Variants in DOK4 observed in about 807,000 individuals in gnomAD.
The protein encoded by DOK4 is docking protein 4.
In DOK4, 26 loss-of-function variants were observed where a neutral mutation model predicts 40.1. That is an observed-to-expected ratio of 0.65 (90% CI 0.48 to 0.90). The LOEUF is 0.90. Ranked by LOEUF, DOK4 falls within the 40% of genes least tolerant of loss-of-function variation. The probability of loss-of-function intolerance (pLI) is 0.00; values close to 1 mark genes in which losing one functional copy is unlikely to be tolerated. For synonymous variants in DOK4, 179 were observed against 177.0 expected (o/e 1.01, Z -0.09); for missense variants, 392 against 437.2 (o/e 0.90, Z 0.92).
At chr16:57,475,012 C>T in intron 5 of DOK4, 30 bp from the exon 6 acceptor site, 1 of 1,599,782 alleles carries the variant, frequency 6.3e-7, no homozygotes, top group Non-Finnish European at 8.5e-7. Flanking sequence ...ACAAGTGGGA[C>T]CAGAGTTGCC....
At chr16:57,487,299 C>A (rs2031566197), upstream of DOK4, 1 of 152,234 alleles carries the variant, frequency 6.6e-6, no homozygotes, top group Non-Finnish European at 1.5e-5. Flanking sequence ...AGCTTCCCAT[C>A]ACCTTGAAAC....
Position 57,479,566 on chromosome 16 carries a change from G to T in DOK4, c.-59C>A. 1 of 1,591,460 alleles carries T rather than the reference G, an allele frequency of 6.3e-7. No homozygotes were observed. ...CAGAGGCGAGGGGAAGGATGCCCAG[G>T]TGCCTGGGTCTCCGGCTCCTCCAAT... On this transcript the variant is annotated 5_prime_UTR_variant, in exon 2 of 9. Transcript: ENST00000340099. The surrounding 1 kb of genome is among the most constrained non-coding windows in gnomAD (Gnocchi z 5.8).
chr16:57,480,655 C>T lies in DOK4; in HGVS notation c.-181-967G>A, dbSNP rs186479628. Among the ~76,000 whole-genome samples the T allele has an allele frequency of 7.9e-5, 12 of 152,236 alleles. No homozygotes were observed. In the East Asian group the frequency reaches 2.3e-3, roughly 29 times the overall value. ...CAGTCAGGGCCCTGGGGCAACAAGA[C>T]ATGCAGGAGACAATGTGGGATACCA... On this transcript the variant is annotated intron_variant, in intron 1 of 8. Coordinates refer to ENST00000340099, the Ensembl canonical transcript of DOK4.
intron 1 of DOK4, among the ~76,000 whole-genome samples, chr16:57,482,363 G>GTTTTTTTTTTTTTT: frequency 1.1e-5 from 1 of 93,036 alleles, no homozygotes; most frequent in Non-Finnish European, 2.0e-5. Flanking sequence ...TGGGGCTTTT[G>GTTTTTTTTTTTTTT]TTTTTTTTTT....
intron 4 of DOK4, 127 bp from the exon 5 acceptor site, chr16:57,475,346 C>A: frequency 6.7e-7 from 1 of 1,497,254 alleles, no homozygotes; most frequent in South Asian, 1.2e-5. Flanking sequence ...GCCTGTCTTG[C>A]CTCAACCCTG....
At chr16:57,473,181 A>G (rs916640025) in exon 9 of DOK4, 39 of 717,720 alleles carry the variant, frequency 5.4e-5, no homozygotes, top group South Asian at 1.9e-5. Flanking sequence ...GGTAGCTCCA[A>G]CCCCTCACAC....
chr16:57,476,069 T>A, intron 2 of DOK4, 112 bp from the exon 3 acceptor site: 1 of 888,222 alleles, frequency 1.1e-6, no homozygotes, highest in Non-Finnish European at 1.8e-6. Flanking sequence ...CAGCCTTCCC[T>A]GGAGCCCCAG....
At chr16:57,481,093 T>G (rs1198914773) in intron 1 of DOK4, among the ~76,000 whole-genome samples, 3 of 152,074 alleles carry the variant, frequency 2.0e-5, no homozygotes, top group Non-Finnish European at 4.4e-5. Flanking sequence ...TGGGTATCTG[T>G]GCTGCCAGAA....
chr16:57,482,393 G>C (rs8049328), intron 1 of DOK4, among the ~76,000 whole-genome samples: 65,419 of 132,248 alleles, frequency 0.49, 16,571 homozygotes, highest in Non-Finnish European at 0.54. Context: ...TTGAGACGGA[G>C]TCTCACTCTA....
rs2031344249 is a variant in DOK4 at position 57,479,672 on chromosome 16, C to T, written c.-165G>A. On this transcript the variant is annotated 5_prime_UTR_variant, in exon 2 of 9. Coordinates refer to ENST00000340099, the Ensembl canonical transcript of DOK4. The surrounding 1 kb of genome is among the most constrained non-coding windows in gnomAD (Gnocchi z 5.8). Reference sequence around the variant, plus strand: ...CCGCCTCAGCATTGTTCTAGCAGCTCCTTCGCCCCGCGCCTGCTGGAAATA... The same window carrying T: ...CCGCCTCAGCATTGTTCTAGCAGCTTCTTCGCCCCGCGCCTGCTGGAAATA... 1.6e-6 allele frequency: 1 copy of T among 612,374 alleles called. No individual in the cohort carries two copies. The highest frequency in any genetic ancestry group is 2.8e-6 in the Non-Finnish European group (1 of 352,332). 37.9% of individuals were successfully genotyped at this position (612,374 alleles called of 1,614,324 possible). A position where few individuals can be genotyped will look rare whatever the true frequency, so the allele number is the denominator to read the frequency against.
exon 1 of DOK4, chr16:57,486,390 G>C (rs1195233992): frequency 2.0e-5 from 3 of 151,618 alleles, no homozygotes; most frequent in African/African-American, 7.3e-5. Context: ...GGCTGGCGGG[G>C]GCGGCAGGGC....
Position 57,476,070 on chromosome 16 carries a change from G to A in DOK4, c.67-113C>T, listed in dbSNP as rs891627281. 58 of 889,686 alleles carry A rather than the reference G, an allele frequency of 6.5e-5. No homozygotes were observed. In the African/African-American group the frequency reaches 7.4e-4, roughly 11 times the overall value. 55.1% of individuals were successfully genotyped at this position (889,686 alleles called of 1,614,324 possible). A position where few individuals can be genotyped will look rare whatever the true frequency, so the allele number is the denominator to read the frequency against. ...GGGGCGGTGCCGCACAGCCTTCCCT[G>A]GAGCCCCAGCCTGGGGACACCGGGG... On this transcript the variant is annotated intron_variant, in intron 2 of 8. Coordinates refer to ENST00000340099, the Ensembl canonical transcript of DOK4.
chr16:57,483,087 C>T (rs2031460817), intron 1 of DOK4, among the ~76,000 whole-genome samples: 1 of 152,200 alleles, frequency 6.6e-6, no homozygotes, highest in South Asian at 2.1e-4. Flanking sequence ...CCCCTGGCCA[C>T]ACTTAGTCCC....
rs2031510146 is a variant in DOK4, at chr16:57,485,145, G to A, written c.-182+1160C>T. 6.6e-6 allele frequency among the ~76,000 whole-genome samples: 1 copy of A among 152,230 alleles called. No homozygotes were observed. Among genetic ancestry groups the A allele is most frequent in the Non-Finnish European group, 1.5e-5 (1 of 68,042 alleles). ...AGCTCCTGGGTCTCAGCGCTGACTG[G>A]CATGGCCAGCAGGCTGTTGTTACTG... On this transcript the variant is annotated intron_variant, in intron 1 of 8. Coordinates refer to ENST00000340099, the Ensembl canonical transcript of DOK4. The surrounding 1 kb of genome is among the most constrained non-coding windows in gnomAD (Gnocchi z 4.3).
chr16:57,475,258 C>A (rs138308886), intron 4 of DOK4, 39 bp from the exon 5 acceptor site: 7 of 1,593,882 alleles, frequency 4.4e-6, no homozygotes, highest in Non-Finnish European at 6.0e-6. Flanking sequence ...CTCCAGAGCC[C>A]GGTAGCCCAC....
chr16:57,474,056 G>C lies in DOK4; in HGVS notation c.600-17C>G. On this transcript the variant is annotated splice_polypyrimidine_tract_variant and intron_variant, in intron 6 of 8. Coordinates refer to ENST00000340099, the Ensembl canonical transcript of DOK4. ...TCACACATCCTGGGGACACAGCACA[G>C]AGGGCAAGATGGTGGGGACCCACCA... 1 of 1,613,748 alleles carries C rather than the reference G, an allele frequency of 6.2e-7. No individual in the cohort carries two copies. Among genetic ancestry groups the C allele is most frequent in the Non-Finnish European group, 8.5e-7 (1 of 1,179,804 alleles).
chr16:57,486,916 C>G (rs1218311352), upstream of DOK4, among the ~76,000 whole-genome samples: 1 of 152,204 alleles, frequency 6.6e-6, no homozygotes, highest in African/African-American at 2.4e-5. Context: ...CCCAGCCCCA[C>G]AGTGACCTCC....
At chr16:57,473,586 T>C in intron 8 of DOK4, 27 bp downstream of exon 8, 3 of 1,614,064 alleles carry the variant, frequency 1.9e-6, no homozygotes, top group Non-Finnish European at 1.7e-6. Flanking sequence ...TCCTGGCAGG[T>C]GGGTGTGGGG....
intron 1 of DOK4, among the ~76,000 whole-genome samples, chr16:57,482,898 C>T (rs953308301): frequency 6.6e-6 from 1 of 152,242 alleles, no homozygotes. Context: ...CAGCCTGCTC[C>T]TTCCCAGTGT....
Sources: gnomAD v4.1 joint callset for allele counts (sites outside exome capture counted in the v4.1 genomes callset) on GRCh38, gnomAD v4.1.1 for gene constraint, Gnocchi (gnomAD v3.1) non-coding constraint, MANE v1.5 for transcripts, NCBI Gene and HGNC (gene_info 2026-07-23, HGNC 2026-07-21) for gene names.